Variants in THG1L observed in about 807,000 individuals in gnomAD.
The protein encoded by THG1L is tRNA-histidine guanylyltransferase 1 like.
In THG1L, 27 loss-of-function variants were observed where a neutral mutation model predicts 35.2. The ratio of observed to expected loss-of-function variants is 0.77; its 90% CI spans 0.57 to 1.06. The LOEUF (loss-of-function observed/expected upper bound fraction) is 1.06. Among genes scored for constraint, THG1L ranks in the 50% least tolerant of loss-of-function variants. THG1L has a pLI of 0.00. For missense variants in THG1L, 377 were observed against 371.8 expected (o/e 1.01, Z -0.12); for synonymous variants, 135 against 132.4 (o/e 1.02, Z -0.14).
chr5:157,732,405 G>A (rs1229658170), intron 1 of THG1L, among the ~76,000 whole-genome samples: 1 of 152,028 alleles, frequency 6.6e-6, no homozygotes, highest in Admixed American at 6.5e-5. Context: ...GCGGTGATTG[G>A]ACACTGCACT....
chr5:157,738,113 C>T, intron 5 of THG1L, 119 bp downstream of exon 5: 1 of 740,528 alleles, frequency 1.4e-6, no homozygotes, highest in Non-Finnish European at 2.2e-6. Flanking sequence ...CTAATGCAAA[C>T]CTTTCCAAGA....
intron 2 of THG1L, among the ~76,000 whole-genome samples, chr5:157,733,251 C>G (rs1760776746): frequency 1.3e-5 from 2 of 152,174 alleles, no homozygotes; most frequent in South Asian, 4.1e-4. Flanking sequence ...TCTTTCCCCA[C>G]ATGCCCCATA....
rs1760767910 is a variant in THG1L at position 157,732,938 on chromosome 5, C to G, written c.262C>G (p.Gln88Glu). 2.5e-6 allele frequency: 4 copies of G among 1,614,206 alleles called. No homozygotes were observed. The East Asian group carries it at 8.9e-5, about 36-fold the overall frequency. Residue 88 changes from glutamine to glutamate, a missense_variant, in exon 2 of 6, where the codon CAG becomes GAG. Coordinates refer to ENST00000231198, the MANE Select transcript of THG1L (RefSeq NM_017872.5). ...RALQLMTKCA[Q>E]TVMEELEDIV... ...TCTCCAGCTGATGACCAAATGTGCG[C>G]AGACTGTGATGGAAGAACTAGAGGA...
In THG1L at chr5:157,738,070, C is replaced by T. The variant is rs888749058; in HGVS notation, c.735+76C>T. The T allele has an allele frequency of 8.1e-6, 9 of 1,116,292 alleles. No homozygotes were observed. The South Asian group carries it at 1.2e-4, about 15-fold the overall frequency. The allele number at this position is 1,116,292 out of a possible 1,614,324, so 69.1% of individuals were successfully genotyped here. ...TGTGCCCATTCCAAGCTGTGCCCTC[C>T]CTGCTGCCTGTATGCTGATGTTACT... On this transcript the variant is annotated intron_variant, in intron 5 of 5. Coordinates refer to ENST00000231198, the MANE Select transcript of THG1L (RefSeq NM_017872.5).
In THG1L at chr5:157,739,550, T is replaced by A. The variant is rs1760981122; in HGVS notation, c.*68T>A. Reference sequence around the variant, plus strand: ...CTCCCACCTCCCAGGGCTCCTTGCCTTAGGTGGCTGTAGCATCCCTACCAC... The same window carrying A: ...CTCCCACCTCCCAGGGCTCCTTGCCATAGGTGGCTGTAGCATCCCTACCAC... On this transcript the variant is annotated 3_prime_UTR_variant, in exon 6 of 6. Transcript: ENST00000231198. 6.5e-7 allele frequency: 1 copy of A among 1,530,264 alleles called. No individual in the cohort carries two copies. Among genetic ancestry groups the A allele is most frequent in the South Asian group, 1.3e-5 (1 of 77,494 alleles). The allele number at this position is 1,530,264 out of a possible 1,614,324, so 94.8% of individuals were successfully genotyped here.
Position 157,739,519 on chromosome 5 carries a change from C to A in THG1L, c.*37C>A. The A allele has an allele frequency of 6.3e-7, 1 of 1,584,752 alleles. No individual in the cohort carries two copies. The highest frequency in any genetic ancestry group is 8.6e-7 in the Non-Finnish European group (1 of 1,164,080). On this transcript the variant is annotated 3_prime_UTR_variant, in exon 6 of 6. Coordinates refer to ENST00000231198, the MANE Select transcript of THG1L (RefSeq NM_017872.5). ...TTCAGTTCTGGTGTGCTTAACCATG[C>A]AAGCCCTCCCACCTCCCAGGGCTCC...
Position 157,739,681 on chromosome 5 carries a change from T to A in THG1L, c.*199T>A. 1 of 457,094 alleles carries A rather than the reference T, an allele frequency of 2.2e-6. No individual in the cohort carries two copies. The allele number at this position is 457,094 out of a possible 1,614,324, so 28.3% of individuals were successfully genotyped here. ...ACTCTGTTTAAGCAGAACACCTTGTTTGCGGTGTTGGAACATGGTTCCTTT... is the reference window on the plus strand; with the variant it reads ...ACTCTGTTTAAGCAGAACACCTTGTATGCGGTGTTGGAACATGGTTCCTTT... On this transcript the variant is annotated 3_prime_UTR_variant, in exon 6 of 6. Transcript: ENST00000231198.
At position 157,741,404 on chromosome 5, in the gene THG1L, T is replaced by G. The variant is rs1458549189; in HGVS notation, c.*1922T>G. 1.3e-5 allele frequency: 2 copies of G among 152,214 alleles called. No homozygotes were observed. Among genetic ancestry groups the G allele is most frequent in the Non-Finnish European group, 1.5e-5 (1 of 68,034 alleles). 9.4% of individuals were successfully genotyped at this position (152,214 alleles called of 1,614,324 possible). On this transcript the variant is annotated 3_prime_UTR_variant, in exon 6 of 6. Transcript: ENST00000231198. ...GGAGATACGGTTCTTGTTTGGTAAT[T>G]GCTAAAATCTCTTTGAGGAAAGAAA...
intron 3 of THG1L, 94 bp downstream of exon 3, chr5:157,734,839 T>A (rs1760830152): frequency 7.2e-7 from 1 of 1,396,430 alleles, no homozygotes; most frequent in Non-Finnish European, 9.9e-7. Flanking sequence ...ATATACTTTG[T>A]TTCAACATAT....
chr5:157,737,973 G>A lies in THG1L; in HGVS notation c.714G>A (p.Gly238=). 6.2e-7 allele frequency: 1 copy of A among 1,612,272 alleles called. No individual in the cohort carries two copies. Among genetic ancestry groups the A allele is most frequent in the Non-Finnish European group, 8.5e-7 (1 of 1,179,148 alleles). Residue 238 remains glycine, a synonymous_variant, in exon 5 of 6, where the codon GGG becomes GGA. Transcript: ENST00000231198. ...ATGAGCTGCCGATGTATAGGAAAGG[G>A]ACTGTGTTGATATGGCAGAAGGTAA... ...YNNELPMYRK[G]TVLIWQKVDE... is the part of the protein sequence containing the mutation.
rs7737103 is a variant in THG1L at position 157,741,317 on chromosome 5, C to G, written c.*1835C>G. ...GGGTGATGGCTGGCCTCATCCCTCACTAATTGACAACCCATCTGTCGATGC... is the reference window on the plus strand; with the variant it reads ...GGGTGATGGCTGGCCTCATCCCTCAGTAATTGACAACCCATCTGTCGATGC... On this transcript the variant is annotated 3_prime_UTR_variant, in exon 6 of 6. Transcript: ENST00000231198. 6.6e-6 allele frequency: 1 copy of G among 152,164 alleles called. No homozygotes were observed. The highest frequency in any genetic ancestry group is 1.5e-5 in the Non-Finnish European group (1 of 68,036). The allele number at this position is 152,164 out of a possible 1,614,324, so 9.4% of individuals were successfully genotyped here.
chr5:157,738,797 C>T (rs943587485), intron 5 of THG1L: 7 of 266,720 alleles, frequency 2.6e-5, no homozygotes, highest in African/African-American at 4.7e-5. Flanking sequence ...TTTCTTTGTT[C>T]CTAAGATTGC....
intron 3 of THG1L, among the ~76,000 whole-genome samples, chr5:157,735,551 A>G (rs1396008864): frequency 6.6e-6 from 1 of 152,244 alleles, no homozygotes; most frequent in Non-Finnish European, 1.5e-5. Context: ...AAAGAGATTG[A>G]AATAATATAA....
Position 157,737,767 on chromosome 5 carries a change from GT to G in THG1L, c.628-117del. 3 of 706,994 alleles carry G rather than the reference GT, an allele frequency of 4.2e-6. No individual in the cohort carries two copies. In the East Asian group the frequency reaches 8.4e-5, roughly 20 times the overall value. The allele number at this position is 706,994 out of a possible 1,614,324, so 43.8% of individuals were successfully genotyped here. On this transcript the variant is annotated intron_variant, in intron 4 of 5. Transcript: ENST00000231198. The stretch of plus-strand genomic sequence containing the variant: ...GAAAATTTACTAATAACTATAAGAT[GT>G]TTGATAAAATCCTTCCACTTCTTGA...
rs1392652918 is a variant in THG1L at position 157,732,982 on chromosome 5, A to G, written c.306A>G (p.Gly102=). ...EELEDIVIAY[G]QSDEYSFVFK... ...TAGAGGATATTGTGATCGCGTATGG[A>G]CAGAGTGATGAGTACAGCTTTGTGT... Residue 102 remains glycine (G), a synonymous_variant, in exon 2 of 6, where the codon GGA becomes GGG. Transcript: ENST00000231198. 6.2e-7 allele frequency: 1 copy of G among 1,614,258 alleles called. No homozygotes were observed. Among genetic ancestry groups the G allele is most frequent in the East Asian group, 2.2e-5 (1 of 44,892 alleles).
chr5:157,735,448 A>G (rs1760846832), intron 3 of THG1L, among the ~76,000 whole-genome samples: 1 of 152,186 alleles, frequency 6.6e-6, no homozygotes, highest in East Asian at 1.9e-4. Context: ...CTCAGTGGGT[A>G]TTTGAATTGT....
chr5:157,739,062 C>T (rs554911973), intron 5 of THG1L, among the ~76,000 whole-genome samples: 1 of 152,098 alleles, frequency 6.6e-6, no homozygotes, highest in African/African-American at 2.4e-5. Context: ...GCGTGAGCCA[C>T]CGCGCTCGGA....
chr5:157,733,173 T>G, intron 2 of THG1L, 129 bp downstream of exon 2: 1 of 1,051,754 alleles, frequency 9.5e-7, no homozygotes. Context: ...AGTACATGTA[T>G]ATTTCCTGTT....
chr5:157,737,496 C>T (rs1464060876), intron 4 of THG1L, among the ~76,000 whole-genome samples: 1 of 151,656 alleles, frequency 6.6e-6, no homozygotes, highest in African/African-American at 2.4e-5. Context: ...AAAAAAAAGG[C>T]ATACTGGTAG....
Sources: gnomAD v4.1 joint callset for allele counts (sites outside exome capture counted in the v4.1 genomes callset) on GRCh38, gnomAD v4.1.1 for gene constraint, MANE v1.5 for transcripts, NCBI Gene and HGNC (gene_info 2026-07-23, HGNC 2026-07-21) for gene names.